Variants in MYCBP2 observed in about 807,000 individuals in gnomAD.
MYCBP2 encodes the protein MYC binding protein 2, also known as E3 ubiquitin-protein ligase MYCBP2.
A neutral mutation model predicts 525.3 loss-of-function variants in MYCBP2; 120 were observed. The observed-to-expected ratio is 0.23, with a 90% CI of 0.20 to 0.27. The LOEUF (loss-of-function observed/expected upper bound fraction) is 0.27, where lower values mean the gene tolerates loss of function less well. Among genes scored for constraint, MYCBP2 ranks in the 10% least tolerant of loss-of-function variants. The pLI is 1.00. For synonymous variants in MYCBP2, 1,894 were observed against 1,955.8 expected (o/e 0.97, Z 0.83); for missense variants, 4,149 against 5,657.1 (o/e 0.73, Z 8.55).
At chr13:77,130,518 A>T (rs2052575316) in intron 52 of MYCBP2, among the ~76,000 whole-genome samples, 1 of 152,122 alleles carries the variant, frequency 6.6e-6, no homozygotes, top group African/African-American at 2.4e-5. Context: ...CTCTAAACAA[A>T]GTGTCTAATA....
In MYCBP2 at chr13:77,202,845, C is replaced by A. The variant is rs571170962; in HGVS notation, c.3843+2411G>T. On this transcript the variant is annotated intron_variant, in intron 26 of 82. Coordinates refer to ENST00000544440, the MANE Select transcript of MYCBP2 (RefSeq NM_015057.5). ...AAAGGCCTTTGACAAAATTCAACAA[C>A]CCTTCATGCTAAAAACTCTCAATAA... Among the ~76,000 whole-genome samples the A allele has an allele frequency of 2.0e-4, 31 of 152,248 alleles. No individual in the cohort carries two copies. The South Asian group carries it at 3.5e-3, about 17-fold the overall frequency.
At chr13:77,100,767 C>A (rs2046949006) in intron 55 of MYCBP2, among the ~76,000 whole-genome samples, 4 of 152,088 alleles carry the variant, frequency 2.6e-5, no homozygotes, top group Non-Finnish European at 4.4e-5. Flanking sequence ...CAATCATTAA[C>A]CTCCTTTATC....
Position 77,205,461 on chromosome 13 carries a change from A to T in MYCBP2, c.3715+12T>A. The T allele has an allele frequency of 6.2e-7, 1 of 1,612,726 alleles. No homozygotes were observed. The highest frequency in any genetic ancestry group is 2.2e-5 in the East Asian group (1 of 44,832). On this transcript the variant is annotated intron_variant, in intron 25 of 82. Coordinates refer to ENST00000544440, the MANE Select transcript of MYCBP2 (RefSeq NM_015057.5). Reference sequence around the variant, plus strand: ...TTGTAAGACAACATTTCCTAAACCGAAGTATACATACTTTCAAACCTGTTT... The same window carrying T: ...TTGTAAGACAACATTTCCTAAACCGTAGTATACATACTTTCAAACCTGTTT...
chr13:77,126,699 T>C (rs1458257933), intron 52 of MYCBP2, among the ~76,000 whole-genome samples, 157 bp from the exon 53 acceptor site: 16 of 152,148 alleles, frequency 1.1e-4, no homozygotes, highest in Non-Finnish European at 1.5e-5. Flanking sequence ...TTAGCACTAA[T>C]TAAAGAATCT....
intron 1 of MYCBP2, among the ~76,000 whole-genome samples, chr13:77,310,953 A>C (rs2080123873): frequency 6.6e-6 from 1 of 152,226 alleles, no homozygotes; most frequent in African/African-American, 2.4e-5. Context: ...ACTTTGGGCA[A>C]AATTTTTAAA....
intron 35 of MYCBP2, among the ~76,000 whole-genome samples, chr13:77,177,015 G>C (rs890649025): frequency 1.3e-5 from 2 of 151,794 alleles, no homozygotes; most frequent in African/African-American, 4.8e-5. Context: ...ATAAAACTCA[G>C]GTACTTTAAT....
intron 15 of MYCBP2, among the ~76,000 whole-genome samples, chr13:77,248,355 A>G (rs2070450966): frequency 6.6e-6 from 1 of 152,272 alleles, no homozygotes; most frequent in South Asian, 2.1e-4. Flanking sequence ...TTTATTTTCA[A>G]ATCATATATC....
At chr13:77,294,111 T>TATATATATATATATATATATATATAC (rs2077817232) in intron 2 of MYCBP2, among the ~76,000 whole-genome samples, 2 of 54,466 alleles carry the variant, frequency 3.7e-5, no homozygotes, top group Non-Finnish European at 4.8e-5. Context: ...TGGCTATATA[T>TATATATATATATATATATATATATAC]ATATATATAT....
intron 26 of MYCBP2, among the ~76,000 whole-genome samples, chr13:77,196,710 G>A (rs189260669): frequency 6.6e-6 from 1 of 152,356 alleles, no homozygotes; most frequent in East Asian, 1.9e-4. Context: ...GGAAGAACAT[G>A]AGGATAGCAG....
In MYCBP2 at chr13:77,098,904, C is replaced by G. The variant is rs201739266; in HGVS notation, c.8250G>C (p.Arg2750=). 33 of 1,613,536 alleles carry G rather than the reference C, an allele frequency of 2.0e-5. No homozygotes were observed. The highest frequency in any genetic ancestry group is 2.7e-5 in the Non-Finnish European group (32 of 1,179,750). ...TTGGCTTCTTCTGATCAGCAGTAGT[C>G]CGGCTCATACGTCCATCAGGTTTAA... The part of the protein sequence containing the change: ...RSLKPDGRMS[R]TTADQKKPRG... Residue 2750 remains arginine (R), a synonymous_variant, in exon 56 of 83, where the codon CGG becomes CGC. Transcript: ENST00000544440.
intron 26 of MYCBP2, among the ~76,000 whole-genome samples, chr13:77,201,816 G>C (rs2062615019): frequency 6.6e-6 from 1 of 152,034 alleles, no homozygotes; most frequent in South Asian, 2.1e-4. Flanking sequence ...TGAAATGAAG[G>C]CAGAAATAAA....
intron 40 of MYCBP2, among the ~76,000 whole-genome samples, 186 bp downstream of exon 40, chr13:77,168,242 G>C (rs1203323420): frequency 1.3e-5 from 2 of 152,034 alleles, no homozygotes; most frequent in Admixed American, 6.6e-5. Context: ...TATCATCTTT[G>C]AGATAAAAAT....
chr13:77,081,103 G>C lies in MYCBP2; in HGVS notation c.11418+324C>G, dbSNP rs763729167. 3 of 251,302 alleles carry C rather than the reference G, an allele frequency of 1.2e-5. No homozygotes were observed. Among genetic ancestry groups the C allele is most frequent in the Non-Finnish European group, 2.3e-5 (3 of 131,990 alleles). The allele number at this position is 251,302 out of a possible 1,614,324, so 15.6% of individuals were successfully genotyped here. A position where few individuals can be genotyped will look rare whatever the true frequency, so the allele number is the denominator to read the frequency against. On this transcript the variant is annotated intron_variant, in intron 65 of 82. Transcript: ENST00000544440. The surrounding 1 kb of genome is among the most constrained non-coding windows in gnomAD (Gnocchi z 4.6). ...GAGACCCTGGAAGAATTGATCAGCA[G>C]AGTTTAAGGGGAGGACTTCCAGGTC...
chr13:77,157,821 A>G (rs1594983809), intron 45 of MYCBP2, 116 bp downstream of exon 45: 1 of 827,236 alleles, frequency 1.2e-6, no homozygotes, highest in East Asian at 2.8e-5. Context: ...CAAGTTAAAC[A>G]TACATAAACC....
intron 52 of MYCBP2, chr13:77,129,636 T>C (rs1296097717): frequency 2.0e-5 from 3 of 153,174 alleles, no homozygotes; most frequent in African/African-American, 4.8e-5. Flanking sequence ...ATCGATTGTA[T>C]AGAAAATGCA....
At chr13:77,269,221 G>A (rs1044259216) in intron 7 of MYCBP2, among the ~76,000 whole-genome samples, 1 of 152,186 alleles carries the variant, frequency 6.6e-6, no homozygotes, top group Non-Finnish European at 1.5e-5. Flanking sequence ...CATGCAGGTA[G>A]CTGTCTACTG....
rs1322033611 is a variant in MYCBP2, at chr13:77,098,189, T to C, written c.8965A>G (p.Ser2989Gly). 1.9e-6 allele frequency: 3 copies of C among 1,613,760 alleles called. No homozygotes were observed. Among genetic ancestry groups the C allele is most frequent in the Non-Finnish European group, 1.7e-6 (2 of 1,179,788 alleles). The change falls in exon 56 of 83, where the codon AGT (serine) becomes GGT (glycine). Residue 2989 changes from serine (S) to glycine (G), a missense_variant. Around this residue, in one of 21 missense-constraint regions of MYCBP2, gnomAD observed 653 missense variants for 744.7 expected, o/e 0.88. Coordinates refer to ENST00000544440, the MANE Select transcript of MYCBP2 (RefSeq NM_015057.5). ...GTGTGTCTATTAGCACATTTTCGAC[T>C]TATTTTGGGAGATGCTCTCATTTCC... is the stretch of plus-strand genomic sequence containing the variant. ...EQEMRASPKI[S>G]RKCANRHTRP...
intron 15 of MYCBP2, among the ~76,000 whole-genome samples, chr13:77,248,951 C>T (rs1031942624): frequency 1.6e-4 from 25 of 152,100 alleles, no homozygotes; most frequent in Admixed American, 2.6e-4. Context: ...AAAGATGTTC[C>T]GACATATGTG....
At chr13:77,224,307 T>A in intron 20 of MYCBP2, 144 bp downstream of exon 20, 1 of 612,176 alleles carries the variant, frequency 1.6e-6, no homozygotes. Context: ...CAATAATTCA[T>A]GGGCCACACT....
Sources: allele counts gnomAD v4.1 joint callset (sites outside exome capture counted in the v4.1 genomes callset), GRCh38; gene constraint gnomAD v4.1.1; regional missense constraint gnomAD v4.1.1; non-coding constraint Gnocchi (gnomAD v3.1); transcripts MANE v1.5; gene names NCBI Gene and HGNC (gene_info 2026-07-23, HGNC 2026-07-21).